RBFOX1: variants seen among roughly 807,000 people sequenced by gnomAD.
The protein encoded by RBFOX1 is RNA binding protein fox-1 homolog 1.
A neutral mutation model predicts 57.7 loss-of-function variants in RBFOX1; 8 were observed. That is an observed-to-expected ratio of 0.14 (90% CI 0.08 to 0.25). The LOEUF (loss-of-function observed/expected upper bound fraction) is 0.25. Among genes scored for constraint, RBFOX1 ranks in the 10% least tolerant of loss-of-function variants. The pLI, the probability that RBFOX1 is intolerant of heterozygous loss-of-function variation, is 1.00. For synonymous variants in RBFOX1, 326 were observed against 222.4 expected, an observed-to-expected ratio of 1.47 and a Z score of -4.15; for missense variants, 611 against 548.5, an observed-to-expected ratio of 1.11 and a Z score of -1.14.
intron 4 of RBFOX1, among the ~76,000 whole-genome samples, chr16:7,054,217 G>GGT (rs1555822454): frequency 9.6e-6 from 1 of 104,622 alleles, no homozygotes; most frequent in East Asian, 3.6e-4. Flanking sequence ...TTTTTTCGGG[G>GGT]GGGGGGGGCG....
intron 2 of RBFOX1, among the ~76,000 whole-genome samples, chr16:6,379,740 A>G (rs998889132): frequency 2.0e-5 from 3 of 151,924 alleles, no homozygotes; most frequent in African/African-American, 4.8e-5. Context: ...AATATGCCAG[A>G]GACAGGTGGC....
chr16:5,685,247 G>T (rs1271867044), intron 3 of RBFOX1, among the ~76,000 whole-genome samples: 1 of 152,152 alleles, frequency 6.6e-6, no homozygotes, highest in Non-Finnish European at 1.5e-5. Context: ...AGGACATCCA[G>T]AAATTGATGC....
intron 4 of RBFOX1, among the ~76,000 whole-genome samples, chr16:7,054,341 G>C (rs535412720): frequency 7.2e-6 from 1 of 138,832 alleles, no homozygotes; most frequent in Admixed American, 8.1e-5. Context: ...CCTGGTTTAA[G>C]CAATTCTCGT....
intron 1 of RBFOX1, among the ~76,000 whole-genome samples, chr16:6,126,321 A>G (rs947337600): frequency 2.6e-5 from 4 of 152,134 alleles, no homozygotes; most frequent in Admixed American, 2.0e-4. Context: ...TTACCTTCCT[A>G]CTGGTGCCAT....
chr16:5,596,159 A>G (rs1284469982), intron 2 of RBFOX1, among the ~76,000 whole-genome samples: 2 of 152,146 alleles, frequency 1.3e-5, no homozygotes, highest in Non-Finnish European at 2.9e-5. Context: ...AAGAGGAAGA[A>G]GGCTCTGCAG....
intron 1 of RBFOX1, among the ~76,000 whole-genome samples, chr16:6,060,593 G>A (rs2095672785): frequency 6.6e-6 from 1 of 152,160 alleles, no homozygotes; most frequent in Admixed American, 6.5e-5. Context: ...TGCCTATGGT[G>A]TTGTAAACAG....
intron 1 of RBFOX1, among the ~76,000 whole-genome samples, chr16:6,020,312 A>G (rs1395145075): frequency 6.6e-6 from 1 of 152,036 alleles, no homozygotes; most frequent in Non-Finnish European, 1.5e-5. Flanking sequence ...TGCCAGGAGC[A>G]GCGGGAGCCT....
intron 2 of RBFOX1, among the ~76,000 whole-genome samples, chr16:6,606,206 A>C (rs1180094297): frequency 6.6e-6 from 1 of 152,170 alleles, no homozygotes; most frequent in Non-Finnish European, 1.5e-5. Context: ...TTGGACAGGT[A>C]ATCGGAGGCT....
intron 4 of RBFOX1, among the ~76,000 whole-genome samples, chr16:7,513,681 G>C (rs890615217): frequency 3.9e-5 from 6 of 152,154 alleles, no homozygotes; most frequent in African/African-American, 1.4e-4. Flanking sequence ...TCACACCTCT[G>C]TAAGAACTAC....
chr16:6,436,089 G>T (rs2094224875), intron 2 of RBFOX1, among the ~76,000 whole-genome samples: 1 of 152,174 alleles, frequency 6.6e-6, no homozygotes. Flanking sequence ...GAAACAGAAT[G>T]AGGAAAGCAT....
At chr16:7,162,493 G>A (rs2078538369) in intron 4 of RBFOX1, among the ~76,000 whole-genome samples, 1 of 151,236 alleles carries the variant, frequency 6.6e-6, no homozygotes, top group South Asian at 2.1e-4. Flanking sequence ...ACTTTGAGAG[G>A]TTGAGGGGGA....
chr16:5,578,409 C>T (rs554095530), intron 2 of RBFOX1, among the ~76,000 whole-genome samples: 84 of 152,282 alleles, frequency 5.5e-4, no homozygotes, highest in Non-Finnish European at 1.0e-3. Flanking sequence ...AGGTTTGTTC[C>T]AGTTCCCTTA....
chr16:6,903,407 C>T (rs1419970936), intron 3 of RBFOX1, among the ~76,000 whole-genome samples: 1 of 152,178 alleles, frequency 6.6e-6, no homozygotes, highest in Non-Finnish European at 1.5e-5. Context: ...TTCTGCGCTC[C>T]AATTAAAATT....
intron 2 of RBFOX1, among the ~76,000 whole-genome samples, chr16:6,594,718 T>C (rs990144753): frequency 1.3e-5 from 2 of 152,156 alleles, no homozygotes; most frequent in Middle Eastern, 3.2e-3. Context: ...GATGTTTTTA[T>C]TGAGGTTCAC....
chr16:5,299,101 G>A (rs1300112491), intron 1 of RBFOX1, among the ~76,000 whole-genome samples: 1 of 150,440 alleles, frequency 6.6e-6, no homozygotes, highest in Non-Finnish European at 1.5e-5. Flanking sequence ...CGCCTTCCAG[G>A]GGCAACCACT....
chr16:6,078,602 G>C (rs534975343), intron 1 of RBFOX1, among the ~76,000 whole-genome samples: 2 of 152,254 alleles, frequency 1.3e-5, no homozygotes, highest in African/African-American at 2.4e-5. Context: ...CTGATCATTG[G>C]CTTCTCCTTT....
intron 1 of RBFOX1, among the ~76,000 whole-genome samples, chr16:5,324,485 C>G (rs2064505750): frequency 6.6e-6 from 1 of 152,028 alleles, no homozygotes; most frequent in African/African-American, 2.4e-5. Context: ...AATACACAAT[C>G]CTAGCCCTGC....
chr16:6,992,765 T>A (rs576415041), intron 3 of RBFOX1, among the ~76,000 whole-genome samples: 40 of 150,894 alleles, frequency 2.7e-4, no homozygotes, highest in Middle Eastern at 3.4e-3. Context: ...CAAGGTCACT[T>A]GTGTCTAGAG....
intron 4 of RBFOX1, among the ~76,000 whole-genome samples, chr16:7,353,712 T>A (rs2097167222): frequency 1.3e-5 from 2 of 152,232 alleles, no homozygotes; most frequent in South Asian, 4.1e-4. Context: ...TACAAAGGAC[T>A]ACATATTGTA....
Sources: gnomAD v4.1 joint callset for allele counts (sites outside exome capture counted in the v4.1 genomes callset) on GRCh38, gnomAD v4.1.1 for gene constraint, MANE v1.5 for transcripts, NCBI Gene and HGNC (gene_info 2026-07-23, HGNC 2026-07-21) for gene names.